Variants in ARHGAP33 observed in about 807,000 individuals in gnomAD.
ARHGAP33 encodes the protein rho GTPase-activating protein 33.
ARHGAP33 carries 57 observed loss-of-function variants against 126.2 expected under a neutral mutation model. That is an observed-to-expected ratio of 0.45 (90% CI 0.36 to 0.56). The LOEUF is 0.56. Among genes scored for constraint, ARHGAP33 ranks in the 20% least tolerant of loss-of-function variants. The probability of loss-of-function intolerance (pLI) is 0.00; values close to 1 mark genes in which losing one functional copy is unlikely to be tolerated. For synonymous variants in ARHGAP33, 711 were observed against 755.0 expected (o/e 0.94, Z 0.95); for missense variants, 1,500 against 1,748.3 (o/e 0.86, Z 2.53).
chr19:35,781,359 C>A, intron 12 of ARHGAP33, 107 bp downstream of exon 12: 2 of 1,155,790 alleles, frequency 1.7e-6, no homozygotes, highest in African/African-American at 1.5e-5. Context: ...TCAGGAGTGG[C>A]AGGATCAAGG....
intron 6 of ARHGAP33, among the ~76,000 whole-genome samples, chr19:35,779,677 C>T (rs1225976880): frequency 6.6e-6 from 1 of 152,092 alleles, no homozygotes; most frequent in Non-Finnish European, 1.5e-5. Context: ...GTTCCGCCCA[C>T]CTCAGCCTCC....
chr19:35,780,863 C>T, intron 10 of ARHGAP33, 47 bp downstream of exon 10: 1 of 1,613,110 alleles, frequency 6.2e-7, no homozygotes, highest in Non-Finnish European at 8.5e-7. Context: ...CCACCAGGCC[C>T]CTGGCCATGC....
intron 6 of ARHGAP33, 197 bp from the exon 7 acceptor site, chr19:35,780,014 T>A: frequency 1.3e-6 from 1 of 777,460 alleles, no homozygotes; most frequent in East Asian, 2.6e-5. Context: ...GGGTTTTTCT[T>A]AGAGGTTTCC....
Position 35,786,583 on chromosome 19 carries a change from G to A in ARHGAP33, c.2113G>A (p.Ala705Thr), listed in dbSNP as rs1234098279. Reference sequence around the variant, plus strand: ...TGAGTCCTCAGCAGCTGGGCTGGGGGCACTCTCTGGGTCTCCCTCACACCG... The same window carrying A: ...TGAGTCCTCAGCAGCTGGGCTGGGGACACTCTCTGGGTCTCCCTCACACCG... ...SSESSAAGLGALSGSPSHRTS... is the reference protein window; with the variant it reads ...SSESSAAGLGTLSGSPSHRTS... The change falls in exon 20 of 21, where the codon GCA becomes ACA. Residue 705 changes from alanine (A) to threonine (T), a missense_variant. By Grantham distance (58) the Ala-to-Thr change is moderately conservative. Transcript: ENST00000007510. The surrounding 1 kb of genome is among the most constrained non-coding windows in gnomAD (Gnocchi z 7.0). The A allele has an allele frequency of 1.3e-6, 2 of 1,536,002 alleles. No individual in the cohort carries two copies. Among genetic ancestry groups the A allele is most frequent in the Non-Finnish European group, 1.7e-6 (2 of 1,146,830 alleles).
chr19:35,779,992 G>A (rs780162901), intron 6 of ARHGAP33: 12 of 680,302 alleles, frequency 1.8e-5, no homozygotes, highest in Non-Finnish European at 2.7e-5. Flanking sequence ...GGACATGTGA[G>A]GGGAAATAAA....
Position 35,781,085 on chromosome 19 carries a change from C to T in ARHGAP33, c.982+13C>T, listed in dbSNP as rs1431391647. ...TCAGGCCAGGATGGTGAGGCCGGGG[C>T]CCACCCACCCCACCCGTCACACCAG... On this transcript the variant is annotated intron_variant, in intron 11 of 20. Transcript: ENST00000007510. 2 of 551,586 alleles carry T rather than the reference C, an allele frequency of 3.6e-6. No individual in the cohort carries two copies. Among genetic ancestry groups the T allele is most frequent in the Non-Finnish European group, 3.5e-6 (1 of 285,898 alleles). 34.2% of individuals were successfully genotyped at this position (551,586 alleles called of 1,614,324 possible). A position where few individuals can be genotyped will look rare whatever the true frequency, so the allele number is the denominator to read the frequency against.
At position 35,784,156 on chromosome 19, in the gene ARHGAP33, C is replaced by G. The variant is rs1471971807; in HGVS notation, c.1422-16C>G. ...GGCTCAAGGCACCCAGCCTCCCTCCCGCTCCTCCCACCCAGGTCCATGGAG... is the reference window on the plus strand; with the variant it reads ...GGCTCAAGGCACCCAGCCTCCCTCCGGCTCCTCCCACCCAGGTCCATGGAG... On this transcript the variant is annotated splice_polypyrimidine_tract_variant and intron_variant, in intron 15 of 20. Transcript: ENST00000007510. 1.9e-6 allele frequency: 3 copies of G among 1,603,234 alleles called. No homozygotes were observed. The highest frequency in any genetic ancestry group is 1.7e-5 in the Admixed American group (1 of 59,114).
At position 35,782,673 on chromosome 19, in the gene ARHGAP33, A is replaced by G. The variant is rs1318001812; in HGVS notation, c.1307A>G (p.His436Arg). 1 of 1,612,988 alleles carries G rather than the reference A, an allele frequency of 6.2e-7. No homozygotes were observed. Among genetic ancestry groups the G allele is most frequent in the Non-Finnish European group, 8.5e-7 (1 of 1,179,554 alleles). ...HDVIQQLPPPHYRTLEYLLRH... is the reference protein window; with the variant it reads ...HDVIQQLPPPRYRTLEYLLRH... ...GTCATCCAGCAGCTGCCCCCACCACATTACAGGTAAACCAGGAGGGGCAGG... is the reference window on the plus strand; with the variant it reads ...GTCATCCAGCAGCTGCCCCCACCACGTTACAGGTAAACCAGGAGGGGCAGG... Residue 436 changes from histidine to arginine, a missense_variant, in exon 14 of 21, where the codon CAT becomes CGT. His to Arg is a conservative substitution (Grantham distance 29, BLOSUM62 0). Coordinates refer to ENST00000007510, the MANE Select transcript of ARHGAP33 (RefSeq NM_001366178.1). The surrounding 1 kb of genome is among the most constrained non-coding windows in gnomAD (Gnocchi z 4.1).
intron 9 of ARHGAP33, 38 bp downstream of exon 9, chr19:35,780,686 TG>T: frequency 3.2e-6 from 1 of 309,292 alleles, no homozygotes; most frequent in Non-Finnish European, 5.8e-6. Flanking sequence ...TGGGGAGGGG[TG>T]GGAAGGGGTG....
At position 35,786,523 on chromosome 19, in the gene ARHGAP33, G is replaced by A. The variant is rs1010537696; in HGVS notation, c.2053G>A (p.Glu685Lys). ...GAGCCTGTCCTCGTCCTCCTCCTCCGAGTCCTCCTCCTCTGAGTCCTCCTC... is the reference window on the plus strand; with the variant it reads ...GAGCCTGTCCTCGTCCTCCTCCTCCAAGTCCTCCTCCTCTGAGTCCTCCTC... ...CESLSSSSSS[E>K]SSSSESSSSS... The change falls in exon 20 of 21, where the codon GAG (glutamate) becomes AAG (lysine). Residue 685 changes from glutamate (E) to lysine (K), a missense_variant. By Grantham distance (56) the Glu-to-Lys change is moderately conservative (BLOSUM62 1). Transcript: ENST00000007510. This position sits in a 1 kb window ranked among gnomAD's most constrained non-coding sequence, Gnocchi z 7.0. The A allele has an allele frequency of 1.3e-5, 20 of 1,535,476 alleles. No individual in the cohort carries two copies. Among genetic ancestry groups the A allele is most frequent in the South Asian group, 8.3e-5 (7 of 84,032 alleles).
At position 35,785,137 on chromosome 19, in the gene ARHGAP33, A is replaced by T. The variant is rs778546548; in HGVS notation, c.1721+31A>T. 23 of 1,588,972 alleles carry T rather than the reference A, an allele frequency of 1.4e-5. No homozygotes were observed. The South Asian group carries it at 2.6e-4, about 18-fold the overall frequency. ...TGGGATGCTGGGGGTGGCGAGGGGCAGGTGGAGGCCTGGTTCCTCAGACGG... is the reference window on the plus strand; with the variant it reads ...TGGGATGCTGGGGGTGGCGAGGGGCTGGTGGAGGCCTGGTTCCTCAGACGG... On this transcript the variant is annotated intron_variant, in intron 17 of 20. Transcript: ENST00000007510.
chr19:35,781,080 CG>C lies in ARHGAP33; in HGVS notation c.982+12del, dbSNP rs747034448. ...GCAACTCAGGCCAGGATGGTGAGGC[CG>C]GGGCCCACCCACCCCACCCGTCACA... On this transcript the variant is annotated intron_variant, in intron 11 of 20. Coordinates refer to ENST00000007510, the MANE Select transcript of ARHGAP33 (RefSeq NM_001366178.1). 6.2e-7 allele frequency: 1 copy of C among 1,609,928 alleles called. No individual in the cohort carries two copies. Among genetic ancestry groups the C allele is most frequent in the Non-Finnish European group, 8.5e-7 (1 of 1,178,222 alleles).
At chr19:35,783,666 G>A (rs1007308750) in intron 15 of ARHGAP33, among the ~76,000 whole-genome samples, 2 of 152,056 alleles carry the variant, frequency 1.3e-5, no homozygotes, top group African/African-American at 2.4e-5. Context: ...AGGTGACGGG[G>A]ACCAGACAGA....
chr19:35,784,124 C>A, intron 15 of ARHGAP33, 48 bp from the exon 16 acceptor site: 1 of 1,550,928 alleles, frequency 6.4e-7, no homozygotes, highest in Non-Finnish European at 8.8e-7. Flanking sequence ...CCAGAACCTG[C>A]TGGCTGGGCT....
Position 35,788,070 on chromosome 19 carries a change from T to G in ARHGAP33, c.3505T>G (p.Tyr1169Asp). The change falls in exon 21 of 21, where the codon TAC becomes GAC. Residue 1169 changes from tyrosine to aspartate, a missense_variant. Transcript: ENST00000007510. ...ARRPTPPEPL[Y>D]VNLALGPRGP... Reference sequence around the variant, plus strand: ...GCGCCCTACACCGCCTGAGCCCCTCTACGTCAACCTAGCTCTAGGGCCCAG... The same window carrying G: ...GCGCCCTACACCGCCTGAGCCCCTCGACGTCAACCTAGCTCTAGGGCCCAG... The G allele has an allele frequency of 6.2e-7, 1 of 1,605,572 alleles. No individual in the cohort carries two copies. Among genetic ancestry groups the G allele is most frequent in the South Asian group, 1.1e-5 (1 of 90,726 alleles).
In ARHGAP33 at chr19:35,785,054, G is replaced by C. The variant is rs1568430030; in HGVS notation, c.1669G>C (p.Gly557Arg). The change falls in exon 17 of 21, where the codon GGG (glycine) becomes CGG (arginine). Residue 557 changes from glycine (G) to arginine (R), a missense_variant. This residue lies in a region of ARHGAP33 where 300 missense variants were observed against 291.1 expected (regional missense o/e 1.03). Transcript: ENST00000007510. ...EAQARTQGRL[G>R]TPTEPTTPKA... Reference sequence around the variant, plus strand: ...CCAGGCACGCACCCAGGGCCGGCTGGGGACGCCCACGGAGCCCACAACTCC... The same window carrying C: ...CCAGGCACGCACCCAGGGCCGGCTGCGGACGCCCACGGAGCCCACAACTCC... 1 of 1,557,630 alleles carries C rather than the reference G, an allele frequency of 6.4e-7. No homozygotes were observed. The highest frequency in any genetic ancestry group is 2.4e-5 in the East Asian group (1 of 41,648).
intron 4 of ARHGAP33, 23 bp from the exon 5 acceptor site, chr19:35,778,441 C>T: frequency 6.2e-7 from 1 of 1,614,172 alleles, no homozygotes; most frequent in East Asian, 2.2e-5. Context: ...CCCCTGCTCC[C>T]TTCTGTCCCT....
chr19:35,778,651 A>G (rs1431713785), intron 5 of ARHGAP33, 50 bp downstream of exon 5: 2 of 1,581,784 alleles, frequency 1.3e-6, no homozygotes, highest in South Asian at 2.3e-5. Context: ...GTCCTCATCC[A>G]CAGTGTGAAA....
At chr19:35,776,059 C>T (rs1971440932) in intron 1 of ARHGAP33, among the ~76,000 whole-genome samples, 3 of 150,398 alleles carry the variant, frequency 2.0e-5, no homozygotes, top group African/African-American at 7.3e-5. Context: ...GGAGCCCCCT[C>T]CTCCTCCCCA....
Sources: allele counts gnomAD v4.1 joint callset (sites outside exome capture counted in the v4.1 genomes callset), GRCh38; gene constraint gnomAD v4.1.1; regional missense constraint gnomAD v4.1.1; non-coding constraint Gnocchi (gnomAD v3.1); transcripts MANE v1.5; gene names NCBI Gene and HGNC (gene_info 2026-07-23, HGNC 2026-07-21).